The following YEATS2 variants were observed in gnomAD, a reference collection of about 807,000 sequenced individuals.
YEATS2 encodes YEATS domain-containing protein 2.
Under a neutral mutation model 163.2 loss-of-function variants are expected in YEATS2, and 77 were observed. That is an observed-to-expected ratio of 0.47 (90% CI 0.39 to 0.57). The LOEUF (loss-of-function observed/expected upper bound fraction) is 0.57, where lower values mean the gene tolerates loss of function less well. Among genes scored for constraint, YEATS2 ranks in the 20% least tolerant of loss-of-function variants. The pLI is 0.00. For synonymous variants in YEATS2, 631 were observed against 645.1 expected, an observed-to-expected ratio of 0.98 and a Z score of 0.33; for missense variants, 1,549 against 1,729.8, an observed-to-expected ratio of 0.90 and a Z score of 1.85.
At chr3:183,753,554 C>A (rs1720403049) in intron 10 of YEATS2, among the ~76,000 whole-genome samples, 1 of 152,140 alleles carries the variant, frequency 6.6e-6, no homozygotes, top group Admixed American at 6.5e-5. Flanking sequence ...TCAAGACCAG[C>A]CTGGCCAACA....
rs758368551 is a variant in YEATS2, at chr3:183,776,143, A to T, written c.2577+20A>T. On this transcript the variant is annotated intron_variant, in intron 18 of 30. Coordinates refer to ENST00000305135, the MANE Select transcript of YEATS2 (RefSeq NM_018023.5). ...CCCCAGGTCTGGTTCTCTGTAACTG[A>T]TATTTTAAATCATTTAGCTATTGGA... The T allele has an allele frequency of 3.9e-6, 6 of 1,530,918 alleles. No homozygotes were observed. In the East Asian group the frequency reaches 1.4e-4, roughly 35 times the overall value. The allele number at this position is 1,530,918 out of a possible 1,614,324, so 94.8% of individuals were successfully genotyped here. A position where few individuals can be genotyped will look rare whatever the true frequency, so the allele number is the denominator to read the frequency against.
intron 1 of YEATS2, among the ~76,000 whole-genome samples, chr3:183,706,704 T>C (rs984901889): frequency 6.6e-6 from 1 of 152,174 alleles, no homozygotes; most frequent in African/African-American, 2.4e-5. Flanking sequence ...TAATCCCAGC[T>C]ACCCAGGAGG....
chr3:183,798,980 G>A lies in YEATS2; in HGVS notation c.3316G>A (p.Val1106Ile). The change falls in exon 23 of 31, where the codon GTT becomes ATT. Residue 1106 changes from valine (V) to isoleucine (I), a missense_variant. Transcript: ENST00000305135. ...PVVPSSAPAA[V>I]AKVKTEPETP... The stretch of plus-strand genomic sequence containing the variant: ...TGTCCCCAGCTCTGCTCCAGCAGCT[G>A]TTGCAAAAGGTACGTAGGATCTCAC... 6.2e-7 allele frequency: 1 copy of A among 1,613,426 alleles called. No individual in the cohort carries two copies.
chr3:183,792,407 G>T (rs1724742894), intron 21 of YEATS2, among the ~76,000 whole-genome samples: 1 of 152,124 alleles, frequency 6.6e-6, no homozygotes, highest in African/African-American at 2.4e-5. Flanking sequence ...GTGGTTTTCT[G>T]TTCCTGTGTT....
At chr3:183,743,923 C>CCATTGGTGATAGGTGGGA (rs1719235778) in intron 8 of YEATS2, among the ~76,000 whole-genome samples, 2 of 151,962 alleles carry the variant, frequency 1.3e-5, no homozygotes, top group Admixed American at 1.3e-4. Context: ...AATTTCTCTT[C>CCATTGGTGATAGGTGGGA]CATTGGTGAT....
intron 15 of YEATS2, 38 bp from the exon 16 acceptor site, chr3:183,772,267 T>C: frequency 6.2e-7 from 1 of 1,608,488 alleles, no homozygotes; most frequent in Non-Finnish European, 8.5e-7. Context: ...TTCTAAGAGC[T>C]CTCGAAGCAC....
chr3:183,762,218 A>G lies in YEATS2; in HGVS notation c.1886A>G (p.Gln629Arg). The change falls in exon 15 of 31, where the codon CAA becomes CGA. Residue 629 changes from glutamine (Q) to arginine (R), a missense_variant. Gln to Arg is a conservative substitution (Grantham distance 43). Transcript: ENST00000305135. Reference sequence around the variant, plus strand: ...GGTCACATGATAGCTGTGTCCCCTCAAAAACAGGTCATAACTCCTGGAGAA... The same window carrying G: ...GGTCACATGATAGCTGTGTCCCCTCGAAAACAGGTCATAACTCCTGGAGAA... Reference protein sequence around the residue: ...KGGHMIAVSPQKQVITPGEGI... With the variant: ...KGGHMIAVSPRKQVITPGEGI... 6.2e-7 allele frequency: 1 copy of G among 1,614,010 alleles called. No individual in the cohort carries two copies. The highest frequency in any genetic ancestry group is 1.3e-5 in the African/African-American group (1 of 75,064).
intron 18 of YEATS2, among the ~76,000 whole-genome samples, chr3:183,777,275 C>A (rs1057418040): frequency 1.3e-5 from 2 of 152,170 alleles, no homozygotes; most frequent in African/African-American, 4.8e-5. Flanking sequence ...ATGATTAAAT[C>A]CAGTTTTGAG....
At chr3:183,799,622 G>A (rs888681567) in intron 23 of YEATS2, among the ~76,000 whole-genome samples, 4 of 152,116 alleles carry the variant, frequency 2.6e-5, no homozygotes, top group Non-Finnish European at 2.9e-5. Flanking sequence ...AGGATAGCAC[G>A]GTGGATTAGA....
At chr3:183,735,306 A>T (rs1160335354) in intron 7 of YEATS2, among the ~76,000 whole-genome samples, 2 of 152,212 alleles carry the variant, frequency 1.3e-5, no homozygotes, top group Non-Finnish European at 2.9e-5. Context: ...CAAGTCCACC[A>T]TGCCTCTAGG....
At chr3:183,718,423 T>C in intron 3 of YEATS2, 77 bp from the exon 4 acceptor site, 1 of 1,133,442 alleles carries the variant, frequency 8.8e-7, no homozygotes. Context: ...CATTCACGTT[T>C]CTTATTTTGT....
chr3:183,753,411 C>A (rs919235420), intron 10 of YEATS2, among the ~76,000 whole-genome samples: 1 of 151,774 alleles, frequency 6.6e-6, no homozygotes, highest in African/African-American at 2.4e-5. Flanking sequence ...AACTTTATTC[C>A]TCTTTAGATT....
At chr3:183,707,208 AG>A (rs1014936867) in intron 1 of YEATS2, among the ~76,000 whole-genome samples, 5 of 152,202 alleles carry the variant, frequency 3.3e-5, no homozygotes, top group African/African-American at 1.2e-4. Flanking sequence ...CTAAGAAAAA[AG>A]TCTTCATTCC....
Position 183,810,544 on chromosome 3 carries a change from CACAA to C in YEATS2, c.4238_4241del (p.Lys1413ThrfsTer5), listed in dbSNP as rs763131596. The C allele has an allele frequency of 4.3e-6, 7 of 1,614,164 alleles. No homozygotes were observed. The highest frequency in any genetic ancestry group is 5.1e-6 in the Non-Finnish European group (6 of 1,180,006). Reference sequence around the variant, plus strand: ...GCAACATTCCTTTTCTGGACTTCCTCACAAACAAACACATGGGAATATTGAATGA... The same window carrying C: ...GCAACATTCCTTTTCTGGACTTCCTCACAAACACATGGGAATATTGAATGA... On this transcript the variant is annotated frameshift_variant, in exon 31 of 31. Transcript: ENST00000305135. LOFTEE classifies it high-confidence loss of function.
intron 21 of YEATS2, chr3:183,793,005 T>G: frequency 1.6e-6 from 1 of 632,952 alleles, no homozygotes; most frequent in Non-Finnish European, 2.3e-6. Flanking sequence ...TCAGTTTTGT[T>G]TTTGTTTTTC....
intron 16 of YEATS2, among the ~76,000 whole-genome samples, chr3:183,773,087 A>G (rs1351847635): frequency 6.6e-6 from 1 of 152,214 alleles, no homozygotes; most frequent in Admixed American, 6.6e-5. Context: ...CATGTTCAGT[A>G]CAGATGTACT....
intron 26 of YEATS2, 78 bp from the exon 27 acceptor site, chr3:183,803,909 A>G: frequency 6.7e-7 from 1 of 1,487,612 alleles, no homozygotes; most frequent in Non-Finnish European, 9.2e-7. Flanking sequence ...TAGGATGGTG[A>G]TTTATGGTTG....
intron 1 of YEATS2, among the ~76,000 whole-genome samples, chr3:183,707,021 C>G (rs1423473047): frequency 1.3e-5 from 2 of 152,160 alleles, no homozygotes; most frequent in Non-Finnish European, 2.9e-5. Flanking sequence ...CCTTCAGGCT[C>G]TGTGTGTAAG....
intron 13 of YEATS2, 129 bp from the exon 14 acceptor site, chr3:183,761,378 C>A: frequency 1.1e-6 from 1 of 894,664 alleles, no homozygotes; most frequent in Non-Finnish European, 1.8e-6. Context: ...TGAGCTACCG[C>A]ACCCAGCCAG....
Sources: allele counts gnomAD v4.1 joint callset (sites outside exome capture counted in the v4.1 genomes callset), GRCh38; gene constraint gnomAD v4.1.1; transcripts MANE v1.5; gene names NCBI Gene and HGNC (gene_info 2026-07-23, HGNC 2026-07-21).